The following CALCR variants were observed in gnomAD, a reference collection of about 807,000 sequenced individuals.
CALCR encodes the protein calcitonin receptor.
CALCR carries 47 observed loss-of-function variants against 59.5 expected under a neutral mutation model. The observed-to-expected ratio is 0.79, with a 90% CI of 0.63 to 1.01. The LOEUF (loss-of-function observed/expected upper bound fraction) is 1.01, where lower values mean the gene tolerates loss of function less well. Ranked by LOEUF, CALCR falls within the 50% of genes least tolerant of loss-of-function variation. The pLI is 0.00. For synonymous variants in CALCR, 213 were observed against 211.3 expected, an observed-to-expected ratio of 1.01 and a Z score of -0.07; for missense variants, 566 against 597.1, an observed-to-expected ratio of 0.95 and a Z score of 0.54.
chr7:93,545,159 G>A (rs1349449668), intron 2 of CALCR, among the ~76,000 whole-genome samples: 1 of 152,016 alleles, frequency 6.6e-6, no homozygotes, highest in Non-Finnish European at 1.5e-5. Flanking sequence ...TAAACACAGA[G>A]GCCTTACACA....
At position 93,468,662 on chromosome 7, in the gene CALCR, G is replaced by A. The variant is rs10281143; in HGVS notation, c.521+53C>T. On this transcript the variant is annotated intron_variant, in intron 7 of 13. Transcript: ENST00000426151. ...TCCACTCTTGCAGAATTCACCATTCGTTTCAGTAACTTAAAGGAGGAAATA... is the reference window on the plus strand; with the variant it reads ...TCCACTCTTGCAGAATTCACCATTCATTTCAGTAACTTAAAGGAGGAAATA... The A allele has an allele frequency of 0.017, 21,810 of 1,279,730 alleles. 1,827 individuals are homozygous for A. The African/African-American group carries it at 0.21, about 12-fold the overall frequency. The allele number at this position is 1,279,730 out of a possible 1,614,324, so 79.3% of individuals were successfully genotyped here.
Position 93,479,526 on chromosome 7 carries a change from T to C in CALCR, c.52-19A>G, listed in dbSNP as rs1393565444. On this transcript the variant is annotated intron_variant, in intron 3 of 13. Coordinates refer to ENST00000426151, the MANE Select transcript of CALCR (RefSeq NM_001742.4). ...TTGGGTGCTGTATTAAAAAGAAAAA[T>C]CAGTTACTTATAGACAGGAGGAATG... The C allele has an allele frequency of 1.2e-6, 2 of 1,606,852 alleles. No homozygotes were observed. Among genetic ancestry groups the C allele is most frequent in the African/African-American group, 2.7e-5 (2 of 74,390 alleles).
intron 2 of CALCR, among the ~76,000 whole-genome samples, chr7:93,546,797 G>A (rs569696621): frequency 2.6e-4 from 40 of 151,930 alleles, no homozygotes; most frequent in African/African-American, 9.7e-4. Context: ...CTGGGCTCAA[G>A]TGATCCACCT....
At chr7:93,548,022 C>A (rs1789339477) in intron 2 of CALCR, among the ~76,000 whole-genome samples, 1 of 152,118 alleles carries the variant, frequency 6.6e-6, no homozygotes, top group African/African-American at 2.4e-5. Flanking sequence ...TACACATAAC[C>A]CTGTCTATGG....
intron 5 of CALCR, among the ~76,000 whole-genome samples, chr7:93,475,184 GT>G (rs1181227945): frequency 6.6e-6 from 1 of 151,578 alleles, no homozygotes; most frequent in Non-Finnish European, 1.5e-5. Flanking sequence ...AGGTTATAGA[GT>G]TATTTGTATG....
intron 2 of CALCR, among the ~76,000 whole-genome samples, chr7:93,511,139 T>C (rs1801538577): frequency 6.6e-6 from 1 of 152,064 alleles, no homozygotes; most frequent in South Asian, 2.1e-4. Flanking sequence ...ATGCTATATC[T>C]ATATAGCATA....
intron 2 of CALCR, among the ~76,000 whole-genome samples, chr7:93,525,986 A>G (rs1284435669): frequency 2.6e-5 from 4 of 152,198 alleles, no homozygotes; most frequent in Non-Finnish European, 4.4e-5. Context: ...TTTAATTTTT[A>G]TAAAGTCATG....
chr7:93,453,881 C>T (rs956010193), intron 8 of CALCR, among the ~76,000 whole-genome samples: 2 of 151,996 alleles, frequency 1.3e-5, no homozygotes, highest in African/African-American at 2.4e-5. Flanking sequence ...ACCATGTGAC[C>T]TTGGTTAAAA....
intron 3 of CALCR, among the ~76,000 whole-genome samples, chr7:93,484,281 G>C (rs968533301): frequency 2.6e-5 from 4 of 151,688 alleles, no homozygotes; most frequent in African/African-American, 9.7e-5. Flanking sequence ...TTTGCTTTTG[G>C]GTTACAGGCA....
At chr7:93,535,693 T>C (rs1449231613) in intron 2 of CALCR, among the ~76,000 whole-genome samples, 2 of 151,730 alleles carry the variant, frequency 1.3e-5, no homozygotes, top group Non-Finnish European at 3.0e-5. Flanking sequence ...ATTGAAATAA[T>C]TTCATATTTA....
intron 4 of CALCR, among the ~76,000 whole-genome samples, chr7:93,478,444 G>A (rs888519639): frequency 6.6e-6 from 1 of 151,692 alleles, no homozygotes; most frequent in Non-Finnish European, 1.5e-5. Flanking sequence ...TCTCACGCCT[G>A]TAATCCTAGC....
intron 3 of CALCR, chr7:93,482,904 C>T (rs758257593): frequency 7.6e-6 from 4 of 528,186 alleles, no homozygotes; most frequent in Non-Finnish European, 1.5e-5. Flanking sequence ...TGCATCAGTT[C>T]CTGGTCTGGT....
At chr7:93,498,482 A>G (rs547266501) in intron 2 of CALCR, among the ~76,000 whole-genome samples, 6 of 151,730 alleles carry the variant, frequency 4.0e-5, no homozygotes, top group African/African-American at 1.4e-4. Flanking sequence ...AACCTCACGT[A>G]TACTTTATAG....
intron 13 of CALCR, among the ~76,000 whole-genome samples, chr7:93,427,191 T>C (rs1799548095): frequency 6.6e-6 from 1 of 152,232 alleles, no homozygotes; most frequent in African/African-American, 2.4e-5. Context: ...AGACTTGTTT[T>C]ATAAATACGA....
chr7:93,465,230 T>A (rs550493383), intron 7 of CALCR, among the ~76,000 whole-genome samples: 1 of 151,978 alleles, frequency 6.6e-6, no homozygotes, highest in Non-Finnish European at 1.5e-5. Flanking sequence ...AATTGATAAA[T>A]TGTAATTGAA....
chr7:93,443,579 A>G (rs370793228), intron 9 of CALCR, 25 bp downstream of exon 9: 57 of 1,608,986 alleles, frequency 3.5e-5, no homozygotes, highest in Non-Finnish European at 4.8e-5. Flanking sequence ...AAGTGACTCA[A>G]AACTTAGCTG....
In CALCR at chr7:93,446,769, T is replaced by C. The variant is rs559706297; in HGVS notation, c.649-3012A>G. Among the ~76,000 whole-genome samples, 30 of 152,124 alleles carry C rather than the reference T, an allele frequency of 2.0e-4. No individual in the cohort carries two copies. In the South Asian group the frequency reaches 3.9e-3, roughly 20 times the overall value. On this transcript the variant is annotated intron_variant, in intron 8 of 13. Coordinates refer to ENST00000426151, the MANE Select transcript of CALCR (RefSeq NM_001742.4). ...GTCACTCAGATCAGATCAAATAAGC[T>C]AAGCAACTTTCCACTAGCTTTCTAA...
intron 2 of CALCR, among the ~76,000 whole-genome samples, chr7:93,548,866 G>A (rs1018588197): frequency 8.8e-5 from 13 of 147,908 alleles, no homozygotes; most frequent in African/African-American, 2.7e-4. Flanking sequence ...GTGTGTGTGT[G>A]TGTGTGTGTG....
chr7:93,443,540 G>A, intron 9 of CALCR, 64 bp downstream of exon 9: 1 of 1,473,866 alleles, frequency 6.8e-7, no homozygotes, highest in Non-Finnish European at 9.3e-7. Context: ...AAGACTAGAA[G>A]AAGACTGAAA....
Sources: gnomAD v4.1 joint callset for allele counts (sites outside exome capture counted in the v4.1 genomes callset) on GRCh38, gnomAD v4.1.1 for gene constraint, MANE v1.5 for transcripts, NCBI Gene and HGNC (gene_info 2026-07-23, HGNC 2026-07-21) for gene names.